Variants in CYRIB observed in about 807,000 individuals in gnomAD.
The protein encoded by CYRIB is CYFIP related Rac1 interactor B.
In CYRIB, 8 loss-of-function variants were observed where a neutral mutation model predicts 44.2. The observed-to-expected ratio is 0.18, with a 90% confidence interval of 0.11 to 0.33. The LOEUF is 0.33. CYRIB is among the 10% of genes least tolerant of loss of function. The pLI is 1.00. For synonymous variants in CYRIB, 131 were observed against 127.2 expected, an observed-to-expected ratio of 1.03 and a Z score of -0.20; for missense variants, 185 against 382.8, an observed-to-expected ratio of 0.48 and a Z score of 4.31.
intron 4 of CYRIB, among the ~76,000 whole-genome samples, chr8:129,868,891 TAAA>T (rs34829895): frequency 1.3e-4 from 16 of 119,974 alleles, no homozygotes; most frequent in Middle Eastern, 3.7e-3. Flanking sequence ...GTACTGCAAT[TAAA>T]AAAAAAAAAA....
At chr8:129,940,893 C>T (rs976609735), upstream of CYRIB, among the ~76,000 whole-genome samples, 2 of 152,150 alleles carry the variant, frequency 1.3e-5, no homozygotes, top group Non-Finnish European at 2.9e-5. Flanking sequence ...GAGTTTCATG[C>T]AACCAGGGAG....
At chr8:130,010,856 C>G (rs1358933680) in intron 1 of CYRIB, among the ~76,000 whole-genome samples, 1 of 152,166 alleles carries the variant, frequency 6.6e-6, no homozygotes, top group Non-Finnish European at 1.5e-5. Context: ...AAAGTATGGT[C>G]TACAATCCAG....
At chr8:129,968,337 C>T (rs1373007134) in intron 2 of CYRIB, among the ~76,000 whole-genome samples, 1 of 152,164 alleles carries the variant, frequency 6.6e-6, no homozygotes, top group Non-Finnish European at 1.5e-5. Flanking sequence ...TTCAGCTGCT[C>T]TTCAAGTCAA....
At chr8:129,882,222 A>C (rs2061035526) in intron 2 of CYRIB, among the ~76,000 whole-genome samples, 2 of 152,238 alleles carry the variant, frequency 1.3e-5, no homozygotes, top group Admixed American at 1.3e-4. Flanking sequence ...AATCTATGGA[A>C]TCAAACCAGA....
At chr8:129,843,867 T>A (rs1283058883) in intron 11 of CYRIB, 2 of 152,210 alleles carry the variant, frequency 1.3e-5, no homozygotes, top group African/African-American at 4.8e-5. Context: ...CCCAAACTGT[T>A]CTCATGTTTT....
At chr8:129,925,945 T>C (rs779871168) in intron 1 of CYRIB, among the ~76,000 whole-genome samples, 1 of 152,216 alleles carries the variant, frequency 6.6e-6, no homozygotes, top group Non-Finnish European at 1.5e-5. Flanking sequence ...TAACAACACG[T>C]GTCAAAAACT....
At chr8:129,976,088 TA>T (rs1691167309) in intron 1 of CYRIB, among the ~76,000 whole-genome samples, 1 of 151,670 alleles carries the variant, frequency 6.6e-6, no homozygotes, top group East Asian at 1.9e-4. Context: ...AAATGTTAAT[TA>T]AACAAAAAAA....
chr8:129,930,365 T>TTTTATA (rs369665802), intron 1 of CYRIB, among the ~76,000 whole-genome samples: 3 of 50,416 alleles, frequency 6.0e-5, no homozygotes, highest in East Asian at 5.1e-4. Flanking sequence ...TGTGAAGTGC[T>TTTTATA]TATATATATA....
At chr8:129,921,554 C>T (rs2083601478) in intron 1 of CYRIB, among the ~76,000 whole-genome samples, 1 of 152,190 alleles carries the variant, frequency 6.6e-6, no homozygotes, top group Non-Finnish European at 1.5e-5. Flanking sequence ...CTCCCAGGAT[C>T]ACACCACCAC....
chr8:129,972,206 T>C (rs1398778795), intron 1 of CYRIB, among the ~76,000 whole-genome samples: 1 of 152,144 alleles, frequency 6.6e-6, no homozygotes, highest in East Asian at 1.9e-4. Flanking sequence ...CCAGTGTAGG[T>C]TTTCTTTCTG....
At chr8:129,972,401 C>A (rs1368318400) in intron 1 of CYRIB, among the ~76,000 whole-genome samples, 2 of 151,716 alleles carry the variant, frequency 1.3e-5, no homozygotes, top group African/African-American at 4.8e-5. Flanking sequence ...ATTTAGGGAG[C>A]TCTCGTCTCT....
At chr8:129,850,097 G>A (rs2042458267) in intron 9 of CYRIB, 1 of 152,384 alleles carries the variant, frequency 6.6e-6, no homozygotes, top group Non-Finnish European at 1.5e-5. Flanking sequence ...GAAGTTGGTG[G>A]TGGGGGGAAG....
intron 6 of CYRIB, 121 bp from the exon 9 acceptor site, chr8:129,854,464 AG>A (rs2045055030): frequency 3.0e-6 from 2 of 675,576 alleles, no homozygotes; most frequent in Non-Finnish European, 4.9e-6. Flanking sequence ...TATCATTTTA[AG>A]AACTAGCACT....
rs1491572837 is a variant in CYRIB at position 129,957,980 on chromosome 8, AAT to A, written c.-243+12961_-243+12962del. On this transcript the variant is annotated intron_variant, in intron 2 of 14. Transcript: ENST00000401979. The stretch of plus-strand genomic sequence containing the variant: ...ACTCCATCTCAAAAAAAAAAAAAAA[AAT>A]ACAAAAAATACAAAAAATTAGCCAA... Among the ~76,000 whole-genome samples, 12 of 150,206 alleles carry A rather than the reference AAT, an allele frequency of 8.0e-5. No homozygotes were observed. The South Asian group carries it at 8.5e-4, about 11-fold the overall frequency.
chr8:129,932,725 G>C (rs141458200), intron 1 of CYRIB, among the ~76,000 whole-genome samples: 24 of 152,274 alleles, frequency 1.6e-4, no homozygotes, highest in African/African-American at 5.5e-4. Context: ...CAGTTCTGGG[G>C]AAAGAGGATG....
intron 2 of CYRIB, among the ~76,000 whole-genome samples, chr8:129,886,017 A>C (rs10103418): frequency 0.19 from 28,155 of 152,066 alleles, 2,776 homozygotes; most frequent in Non-Finnish European, 0.23. Flanking sequence ...CCTGAAGGAC[A>C]ACCTTTCTTC....
chr8:129,944,523 CTG>C (rs1184226321), upstream of CYRIB, among the ~76,000 whole-genome samples: 1 of 152,164 alleles, frequency 6.6e-6, no homozygotes, highest in African/African-American at 2.4e-5. Context: ...TGGCTCACGT[CTG>C]TAATCCCAGC....
At chr8:130,006,259 C>T (rs1408677752) in intron 1 of CYRIB, among the ~76,000 whole-genome samples, 2 of 151,758 alleles carry the variant, frequency 1.3e-5, no homozygotes, top group Non-Finnish European at 2.9e-5. Flanking sequence ...GCCGAGATCA[C>T]GCCGCTGTAC....
At chr8:130,016,121 G>A (rs1423789172) in intron 1 of CYRIB, among the ~76,000 whole-genome samples, 4 of 148,064 alleles carry the variant, frequency 2.7e-5, no homozygotes, top group Non-Finnish European at 6.0e-5. Context: ...TCCGCCCGCC[G>A]CCCCCCGCGC....
Sources: allele counts gnomAD v4.1 joint callset (sites outside exome capture counted in the v4.1 genomes callset), GRCh38; gene constraint gnomAD v4.1.1; transcripts MANE v1.5; gene names NCBI Gene and HGNC (gene_info 2026-07-23, HGNC 2026-07-21).